TRAF3: variants seen among roughly 807,000 people sequenced by gnomAD.
The protein encoded by TRAF3 is TNF receptor-associated factor 3.
TRAF3 carries 13 observed loss-of-function variants against 62.3 expected under a neutral mutation model. That is an observed-to-expected ratio of 0.21 (90% confidence interval 0.14 to 0.33). TRAF3 has a LOEUF of 0.33. Ranked by LOEUF, TRAF3 falls within the 10% of genes least tolerant of loss-of-function variation. The pLI, the probability that TRAF3 is intolerant of heterozygous loss-of-function variation, is 1.00. For synonymous variants in TRAF3, 269 were observed against 283.4 expected (o/e 0.95, Z 0.51); for missense variants, 440 against 741.8 (o/e 0.59, Z 4.73).
At chr14:102,829,327 CT>C (rs754222305) in intron 1 of TRAF3, among the ~76,000 whole-genome samples, 51 of 152,366 alleles carry the variant, frequency 3.3e-4, no homozygotes, top group Non-Finnish European at 3.4e-4. Flanking sequence ...ATAAATTCAG[CT>C]TTCCATATGA....
chr14:102,798,808 AG>A (rs1209949351), intron 1 of TRAF3, among the ~76,000 whole-genome samples: 2 of 152,202 alleles, frequency 1.3e-5, no homozygotes, highest in East Asian at 1.9e-4. Context: ...CATGGGTGCC[AG>A]TCCTGCTGTT....
intron 10 of TRAF3, among the ~76,000 whole-genome samples, chr14:102,897,923 G>A (rs958419659): frequency 1.3e-5 from 2 of 152,228 alleles, no homozygotes; most frequent in African/African-American, 2.4e-5. Context: ...TGATGTAAAG[G>A]GGACTGATGA....
intron 1 of TRAF3, among the ~76,000 whole-genome samples, chr14:102,781,080 A>G (rs1198509873): frequency 2.0e-5 from 3 of 152,248 alleles, no homozygotes; most frequent in African/African-American, 4.8e-5. Flanking sequence ...GGAATCCACC[A>G]TAAGGGAAAG....
At chr14:102,855,813 C>T (rs1887330267) in intron 2 of TRAF3, among the ~76,000 whole-genome samples, 1 of 149,772 alleles carries the variant, frequency 6.7e-6, no homozygotes. Flanking sequence ...AAAAAAAGGC[C>T]AGGTACGTTG....
chr14:102,884,911 C>T (rs773806242), intron 6 of TRAF3, among the ~76,000 whole-genome samples: 14 of 152,236 alleles, frequency 9.2e-5, no homozygotes, highest in Admixed American at 2.0e-4. Context: ...ATCAGATTGC[C>T]AAAGATTGTG....
At chr14:102,811,378 G>C (rs542903336) in intron 1 of TRAF3, among the ~76,000 whole-genome samples, 3 of 148,274 alleles carry the variant, frequency 2.0e-5, no homozygotes, top group Admixed American at 1.4e-4. Context: ...AGGTGCTGTC[G>C]TACTGCCCTG....
At chr14:102,812,420 C>T (rs748020508) in intron 1 of TRAF3, among the ~76,000 whole-genome samples, 4 of 152,068 alleles carry the variant, frequency 2.6e-5, no homozygotes, top group African/African-American at 4.8e-5. Flanking sequence ...AGATTGATTC[C>T]CTGTTTGGCT....
At chr14:102,793,748 G>A (rs911529349) in intron 1 of TRAF3, among the ~76,000 whole-genome samples, 1 of 152,218 alleles carries the variant, frequency 6.6e-6, no homozygotes, top group African/African-American at 2.4e-5. Flanking sequence ...TGCCAGGACA[G>A]GAAAGAGATG....
intron 1 of TRAF3, among the ~76,000 whole-genome samples, chr14:102,814,513 A>T (rs111802027): frequency 0.022 from 3,359 of 152,014 alleles, 142 homozygotes; most frequent in African/African-American, 0.078. Flanking sequence ...TCTTTTAATT[A>T]TCTTGATTTC....
intron 9 of TRAF3, among the ~76,000 whole-genome samples, chr14:102,893,151 G>A (rs1277277230): frequency 6.6e-6 from 1 of 152,062 alleles, no homozygotes; most frequent in Non-Finnish European, 1.5e-5. Context: ...CACTTTGGGA[G>A]GCCGAGGCTG....
chr14:102,865,161 A>G (rs1887908532), intron 2 of TRAF3, among the ~76,000 whole-genome samples: 1 of 151,672 alleles, frequency 6.6e-6, no homozygotes, highest in South Asian at 2.1e-4. Context: ...TAAACCTGAG[A>G]CTTGTCCATC....
chr14:102,794,923 T>C (rs1897989296), intron 1 of TRAF3, among the ~76,000 whole-genome samples: 1 of 152,258 alleles, frequency 6.6e-6, no homozygotes, highest in African/African-American at 2.4e-5. Flanking sequence ...ATACGTTTTT[T>C]CTTCCTATTA....
chr14:102,832,472 G>A (rs1343001886), intron 2 of TRAF3, among the ~76,000 whole-genome samples: 1 of 152,008 alleles, frequency 6.6e-6, no homozygotes, highest in East Asian at 1.9e-4. Context: ...TCAGGAGTTC[G>A]AGACCAGCCT....
chr14:102,900,411 G>C (rs1472744864), intron 10 of TRAF3, among the ~76,000 whole-genome samples: 1 of 152,226 alleles, frequency 6.6e-6, no homozygotes, highest in East Asian at 1.9e-4. Flanking sequence ...TGAGGCAGAA[G>C]AATCACTTGA....
intron 7 of TRAF3, among the ~76,000 whole-genome samples, chr14:102,887,504 C>T (rs1459014538): frequency 6.6e-6 from 1 of 152,224 alleles, no homozygotes; most frequent in Non-Finnish European, 1.5e-5. Context: ...TGAATCTGCC[C>T]CTGGGAGGAG....
intron 6 of TRAF3, among the ~76,000 whole-genome samples, chr14:102,877,823 C>T (rs1888800684): frequency 6.6e-6 from 1 of 151,438 alleles, no homozygotes; most frequent in African/African-American, 2.4e-5. Flanking sequence ...CATAGGTAAT[C>T]CCTTCCGCAG....
chr14:102,870,523 A>G, intron 3 of TRAF3, 77 bp downstream of exon 3: 1 of 1,565,616 alleles, frequency 6.4e-7, no homozygotes, highest in Non-Finnish European at 8.7e-7. Flanking sequence ...TCGTTTCTCT[A>G]AAAATAAACC....
At chr14:102,894,135 T>C (rs1889876704) in intron 9 of TRAF3, among the ~76,000 whole-genome samples, 1 of 152,116 alleles carries the variant, frequency 6.6e-6, no homozygotes, top group Non-Finnish European at 1.5e-5. Context: ...GAGACCAGCC[T>C]GGGCAACACG....
intron 9 of TRAF3, among the ~76,000 whole-genome samples, chr14:102,892,668 G>T (rs972196709): frequency 6.6e-6 from 1 of 152,258 alleles, no homozygotes; most frequent in Non-Finnish European, 1.5e-5. Flanking sequence ...GTTTCGTAAA[G>T]ATTTGAATGT....
Sources: allele counts gnomAD v4.1 joint callset (sites outside exome capture counted in the v4.1 genomes callset), GRCh38; gene constraint gnomAD v4.1.1; transcripts MANE v1.5; gene names NCBI Gene and HGNC (gene_info 2026-07-23, HGNC 2026-07-21).